The following PARD3B variants were observed in gnomAD, a reference collection of about 807,000 sequenced individuals.
PARD3B encodes the protein par-3 family cell polarity regulator beta.
PARD3B carries 103 observed loss-of-function variants against 130.2 expected under a neutral mutation model. The observed-to-expected ratio is 0.79, with a 90% CI of 0.67 to 0.93. The LOEUF is 0.93. Among genes scored for constraint, PARD3B ranks in the 40% least tolerant of loss-of-function variants. PARD3B has a pLI of 0.00. For synonymous variants in PARD3B, 583 were observed against 553.2 expected (o/e 1.05, Z -0.76); for missense variants, 1,609 against 1,499.2 (o/e 1.07, Z -1.21).
At chr2:204,580,052 C>A (rs1043978576) in intron 1 of PARD3B, among the ~76,000 whole-genome samples, 1 of 152,132 alleles carries the variant, frequency 6.6e-6, no homozygotes, top group East Asian at 1.9e-4. Context: ...CTTCCTTGTT[C>A]GTTCATTCAT....
intron 1 of PARD3B, among the ~76,000 whole-genome samples, chr2:204,604,185 C>T (rs139819029): frequency 4.9e-4 from 75 of 152,272 alleles, no homozygotes; most frequent in African/African-American, 1.8e-3. Flanking sequence ...GGAAATAAAA[C>T]AGTCTACTCT....
intron 15 of PARD3B, among the ~76,000 whole-genome samples, chr2:205,206,139 C>A (rs1331880913): frequency 6.7e-6 from 1 of 149,578 alleles, no homozygotes; most frequent in African/African-American, 2.5e-5. Flanking sequence ...CAGATATGAA[C>A]TTTTTCTTAT....
intron 4 of PARD3B, among the ~76,000 whole-genome samples, chr2:205,070,914 A>G (rs975511896): frequency 6.6e-6 from 1 of 151,684 alleles, no homozygotes; most frequent in African/African-American, 2.4e-5. Context: ...ATTTGCTCGC[A>G]CTCTTTTATA....
At chr2:205,348,553 G>C (rs2105836306) in intron 18 of PARD3B, among the ~76,000 whole-genome samples, 1 of 152,274 alleles carries the variant, frequency 6.6e-6, no homozygotes, top group East Asian at 1.9e-4. Flanking sequence ...ATATGAAAAG[G>C]AAATGGCAGG....
At chr2:204,810,249 C>T (rs1367813894) in intron 2 of PARD3B, among the ~76,000 whole-genome samples, 1 of 152,058 alleles carries the variant, frequency 6.6e-6, no homozygotes, top group Non-Finnish European at 1.5e-5. Flanking sequence ...TTTCTCTTGC[C>T]TGATAGCTGT....
In PARD3B at chr2:205,530,855, C is replaced by T. The variant is rs541326575; in HGVS notation, c.3181-22469C>T. ...ACGATGACTCTAGAGGCATGACCCA[C>T]CTGGATAAGAATTGTTGTAAAGGAA... On this transcript the variant is annotated intron_variant, in intron 21 of 22. Transcript: ENST00000406610. The surrounding 1 kb of genome is among the most constrained non-coding windows in gnomAD (Gnocchi z 4.7). 6.6e-6 allele frequency among the ~76,000 whole-genome samples: 1 copy of T among 152,116 alleles called. No individual in the cohort carries two copies. The highest frequency in any genetic ancestry group is 2.1e-4 in the South Asian group (1 of 4,812).
chr2:205,335,698 C>T (rs1227906933), intron 18 of PARD3B, among the ~76,000 whole-genome samples: 1 of 151,912 alleles, frequency 6.6e-6, no homozygotes, highest in Non-Finnish European at 1.5e-5. Flanking sequence ...GGAGGCCTCA[C>T]AATCATGGCA....
At chr2:204,911,355 C>T (rs768607641) in intron 2 of PARD3B, among the ~76,000 whole-genome samples, 2 of 152,284 alleles carry the variant, frequency 1.3e-5, no homozygotes, top group African/African-American at 2.4e-5. Flanking sequence ...TCATCATCAA[C>T]GTACTTGGCC....
At chr2:204,858,012 A>G (rs905144734) in intron 2 of PARD3B, among the ~76,000 whole-genome samples, 3 of 152,150 alleles carry the variant, frequency 2.0e-5, no homozygotes, top group African/African-American at 4.8e-5. Flanking sequence ...CGGTACTTCA[A>G]TGGAATTTAT....
At chr2:205,413,019 A>T (rs1259764695) in intron 19 of PARD3B, among the ~76,000 whole-genome samples, 1 of 152,232 alleles carries the variant, frequency 6.6e-6, no homozygotes, top group East Asian at 1.9e-4. Context: ...ATAAATGGTG[A>T]ACTTACTATT....
At chr2:205,117,593 G>A (rs1351907404) in intron 6 of PARD3B, among the ~76,000 whole-genome samples, 1 of 152,156 alleles carries the variant, frequency 6.6e-6, no homozygotes, top group Non-Finnish European at 1.5e-5. Flanking sequence ...CACATAAAAT[G>A]TACTCATGTT....
At chr2:204,558,830 G>GTA (rs2031110591) in intron 1 of PARD3B, among the ~76,000 whole-genome samples, 1 of 152,290 alleles carries the variant, frequency 6.6e-6, no homozygotes, top group East Asian at 1.9e-4. Context: ...TATGGTACCG[G>GTA]TACCAAAACA....
intron 2 of PARD3B, among the ~76,000 whole-genome samples, chr2:204,916,195 C>A (rs1456338419): frequency 6.6e-6 from 1 of 152,166 alleles, no homozygotes; most frequent in Non-Finnish European, 1.5e-5. Context: ...TATCTATGTA[C>A]TTTTCATTAT....
At chr2:205,413,386 A>G (rs750599962) in intron 19 of PARD3B, among the ~76,000 whole-genome samples, 11 of 152,100 alleles carry the variant, frequency 7.2e-5, no homozygotes, top group Admixed American at 2.0e-4. Context: ...TATTGTAATC[A>G]TTTTTCTGTT....
In PARD3B at chr2:204,713,284, T is replaced by A. The variant is rs138854471; in HGVS notation, c.222+27002T>A. Among the ~76,000 whole-genome samples, 648 of 152,010 alleles carry A rather than the reference T, an allele frequency of 4.3e-3. 17 individuals carry two copies. The highest frequency in any genetic ancestry group is 0.038 in the Admixed American group (583 of 15,280). On this transcript the variant is annotated intron_variant, in intron 2 of 22. Coordinates refer to ENST00000406610, the MANE Select transcript of PARD3B (RefSeq NM_001302769.2). ...ATTTACAAGATGATGCCAACTTGTT[T>A]TCCAAATCCAGTGTGCCAGTGTGAA...
intron 19 of PARD3B, among the ~76,000 whole-genome samples, chr2:205,433,527 T>G (rs1370888866): frequency 1.7e-5 from 1 of 58,298 alleles, no homozygotes; most frequent in African/African-American, 5.2e-5. Context: ...AGCAAGACTC[T>G]GTGTCAAAAA....
chr2:204,635,157 G>C (rs182708391), intron 1 of PARD3B, among the ~76,000 whole-genome samples: 4 of 152,274 alleles, frequency 2.6e-5, no homozygotes, highest in African/African-American at 9.6e-5. Context: ...TCTTCAAGTT[G>C]ACAGGATCTC....
At chr2:204,560,151 A>ATG (rs925400888) in intron 1 of PARD3B, among the ~76,000 whole-genome samples, 1 of 152,198 alleles carries the variant, frequency 6.6e-6, no homozygotes, top group African/African-American at 2.4e-5. Context: ...ATGAGCCTGC[A>ATG]TGTTGTGCAC....
At chr2:204,996,985 C>T (rs1288710286) in intron 3 of PARD3B, among the ~76,000 whole-genome samples, 1 of 152,122 alleles carries the variant, frequency 6.6e-6, no homozygotes, top group Non-Finnish European at 1.5e-5. Flanking sequence ...CTGTCTGGCA[C>T]TCCCTAGTGA....
Sources: allele counts gnomAD v4.1 joint callset (sites outside exome capture counted in the v4.1 genomes callset), GRCh38; gene constraint gnomAD v4.1.1; non-coding constraint Gnocchi (gnomAD v3.1); transcripts MANE v1.5; gene names NCBI Gene and HGNC (gene_info 2026-07-23, HGNC 2026-07-21).